Variants in FXR1 observed in about 807,000 individuals in gnomAD.
FXR1 encodes FMR1 autosomal homolog 1.
A neutral mutation model predicts 84.0 loss-of-function variants in FXR1; 15 were observed. The observed-to-expected ratio is 0.18, with a 90% CI of 0.12 to 0.27. The LOEUF (loss-of-function observed/expected upper bound fraction) is 0.27, where lower values mean the gene tolerates loss of function less well. Ranked by LOEUF, FXR1 falls within the 10% of genes least tolerant of loss-of-function variation. FXR1 has a pLI of 1.00. For synonymous variants in FXR1, 245 were observed against 250.7 expected (o/e 0.98, Z 0.21); for missense variants, 480 against 774.4 (o/e 0.62, Z 4.51).
chr3:180,976,384 C>G lies in FXR1; in HGVS notation c.*92C>G, dbSNP rs2090907668. ...CAAAGATAGAATATGGATCGCCAGTCTTTACATCGCACTTTCAGTTCCTCC... is the reference window on the plus strand; with the variant it reads ...CAAAGATAGAATATGGATCGCCAGTGTTTACATCGCACTTTCAGTTCCTCC... On this transcript the variant is annotated 3_prime_UTR_variant, in exon 17 of 17. Coordinates refer to ENST00000357559, the MANE Select transcript of FXR1 (RefSeq NM_005087.4). The G allele has an allele frequency of 2.5e-6, 2 of 795,472 alleles. No individual in the cohort carries two copies. Among genetic ancestry groups the G allele is most frequent in the Non-Finnish European group, 4.0e-6 (2 of 504,524 alleles). 49.3% of individuals were successfully genotyped at this position (795,472 alleles called of 1,614,324 possible). A position where few individuals can be genotyped will look rare whatever the true frequency, so the allele number is the denominator to read the frequency against.
At chr3:180,936,857 TAAG>T (rs1233647930) in intron 3 of FXR1, among the ~76,000 whole-genome samples, 2 of 152,208 alleles carry the variant, frequency 1.3e-5, no homozygotes, top group Non-Finnish European at 2.9e-5. Flanking sequence ...GGCAGTAAGT[TAAG>T]AAGTAACTTT....
chr3:180,968,723 CTAAG>C, intron 14 of FXR1, among the ~76,000 whole-genome samples: 1 of 152,216 alleles, frequency 6.6e-6, no homozygotes, highest in South Asian at 2.1e-4. Context: ...GTGGAATTAA[CTAAG>C]TTTTTTAATT....
At chr3:180,968,971 C>T (rs1713192816) in intron 14 of FXR1, among the ~76,000 whole-genome samples, 1 of 152,114 alleles carries the variant, frequency 6.6e-6, no homozygotes, top group South Asian at 2.1e-4. Context: ...TGGTATACCA[C>T]GTTAAGAAAC....
chr3:180,924,416 G>T (rs1278321947), intron 1 of FXR1, among the ~76,000 whole-genome samples: 1 of 152,130 alleles, frequency 6.6e-6, no homozygotes, highest in Non-Finnish European at 1.5e-5. Context: ...TAGAATCCTG[G>T]TTAAAAAAGA....
Position 180,962,947 on chromosome 3 carries a change from G to A in FXR1, c.1135+7G>A, listed in dbSNP as rs1712312119. On this transcript the variant is annotated splice_region_variant and intron_variant, in intron 12 of 16. Transcript: ENST00000357559. Reference sequence around the variant, plus strand: ...GAACAGCTGCGACAGATTGGTATGGGTTTCAGACCTTCTTCCACCAGAGGG... The same window carrying A: ...GAACAGCTGCGACAGATTGGTATGGATTTCAGACCTTCTTCCACCAGAGGG... The A allele has an allele frequency of 6.2e-7, 1 of 1,612,214 alleles. No individual in the cohort carries two copies. The highest frequency in any genetic ancestry group is 1.3e-5 in the African/African-American group (1 of 74,856).
At chr3:180,944,326 CTT>C (rs11344405) in intron 3 of FXR1, among the ~76,000 whole-genome samples, 99 of 146,152 alleles carry the variant, frequency 6.8e-4, no homozygotes, top group African/African-American at 2.2e-3. Context: ...GTTATTGGAC[CTT>C]TTTTTTTTTT....
intron 13 of FXR1, among the ~76,000 whole-genome samples, chr3:180,963,798 C>G (rs934126315): frequency 6.6e-6 from 1 of 152,164 alleles, no homozygotes; most frequent in Non-Finnish European, 1.5e-5. Flanking sequence ...CCTTATTCTT[C>G]TTCAGCTTTG....
intron 16 of FXR1, 45 bp downstream of exon 16, chr3:180,975,449 G>A: frequency 1.4e-6 from 1 of 738,580 alleles, no homozygotes; most frequent in Non-Finnish European, 2.3e-6. Context: ...TTTAATTTTT[G>A]GTATGGTTTA....
intron 3 of FXR1, among the ~76,000 whole-genome samples, chr3:180,947,136 TCCA>T (rs1373039138): frequency 6.6e-6 from 1 of 152,160 alleles, no homozygotes; most frequent in Non-Finnish European, 1.5e-5. Flanking sequence ...CACTGCATCC[TCCA>T]CCCTCTGGAC....
chr3:180,943,002 T>C (rs947356523), intron 3 of FXR1, among the ~76,000 whole-genome samples: 1 of 152,104 alleles, frequency 6.6e-6, no homozygotes, highest in African/African-American at 2.4e-5. Flanking sequence ...GAGTCTTGCT[T>C]GTCGACCAGG....
chr3:180,948,018 TGTTA>T (rs1482124253), intron 4 of FXR1, 82 bp downstream of exon 4: 2 of 779,704 alleles, frequency 2.6e-6, no homozygotes, highest in African/African-American at 1.7e-5. Flanking sequence ...TTATTTCAAC[TGTTA>T]GTTTTATTTC....
At chr3:180,951,757 A>C (rs1374373382) in intron 8 of FXR1, among the ~76,000 whole-genome samples, 3 of 151,548 alleles carry the variant, frequency 2.0e-5, no homozygotes, top group Non-Finnish European at 4.4e-5. Context: ...AATCTATCGA[A>C]GTATTTTTTT....
chr3:180,949,121 T>C (rs1173369049), intron 6 of FXR1, 106 bp from the exon 7 acceptor site: 1 of 749,700 alleles, frequency 1.3e-6, no homozygotes, highest in Non-Finnish European at 2.5e-6. Flanking sequence ...GTGAAAGAAG[T>C]GTAGTAGATG....
intron 1 of FXR1, among the ~76,000 whole-genome samples, chr3:180,912,956 C>T (rs1012990372): frequency 2.6e-5 from 4 of 152,124 alleles, no homozygotes; most frequent in Non-Finnish European, 5.9e-5. Context: ...ACACCTCTTG[C>T]ATTTTCCTAG....
intron 1 of FXR1, chr3:180,915,036 G>A (rs1487535416): frequency 8.2e-6 from 4 of 488,312 alleles, no homozygotes; most frequent in Non-Finnish European, 1.1e-5. Context: ...ATGGACCCCT[G>A]AACAAATCTC....
intron 2 of FXR1, among the ~76,000 whole-genome samples, chr3:180,934,306 A>T (rs1275670981): frequency 6.6e-6 from 1 of 152,188 alleles, no homozygotes; most frequent in Non-Finnish European, 1.5e-5. Context: ...CAAATCTTTT[A>T]CTTGTCAGCT....
At chr3:180,919,308 A>G (rs1718279488) in intron 1 of FXR1, among the ~76,000 whole-genome samples, 1 of 137,422 alleles carries the variant, frequency 7.3e-6, no homozygotes, top group African/African-American at 2.8e-5. Context: ...TTTTTGAGCC[A>G]GAGTCTTGCT....
At chr3:180,968,630 TA>T (rs980758900) in intron 14 of FXR1, among the ~76,000 whole-genome samples, 5 of 152,194 alleles carry the variant, frequency 3.3e-5, no homozygotes, top group African/African-American at 1.2e-4. Context: ...GAGATGTCAG[TA>T]CTTTTCTATA....
chr3:180,920,152 A>T (rs943190932), intron 1 of FXR1, among the ~76,000 whole-genome samples: 2 of 152,176 alleles, frequency 1.3e-5, no homozygotes, highest in East Asian at 3.9e-4. Flanking sequence ...CAGGAGCCTC[A>T]GAGGCTCCTG....
Sources: gnomAD v4.1 joint callset for allele counts (sites outside exome capture counted in the v4.1 genomes callset) on GRCh38, gnomAD v4.1.1 for gene constraint, MANE v1.5 for transcripts, NCBI Gene and HGNC (gene_info 2026-07-23, HGNC 2026-07-21) for gene names.